Variants in CELF2 observed in about 807,000 individuals in gnomAD.
CELF2 encodes CUGBP Elav-like family member 2.
Under a neutral mutation model 62.6 loss-of-function variants are expected in CELF2, and 8 were observed. The ratio of observed to expected loss-of-function variants is 0.13; its 90% CI spans 0.07 to 0.23. The LOEUF (loss-of-function observed/expected upper bound fraction) is 0.23. CELF2 is among the 10% of genes least tolerant of loss of function. The probability of loss-of-function intolerance (pLI) is 1.00; values close to 1 mark genes in which losing one functional copy is unlikely to be tolerated. For synonymous variants in CELF2, 258 were observed against 250.0 expected, an observed-to-expected ratio of 1.03 and a Z score of -0.30; for missense variants, 333 against 671.0, an observed-to-expected ratio of 0.50 and a Z score of 5.56.
the CELF2 span, among the ~76,000 whole-genome samples, chr10:10,544,888 A>G: frequency 6.6e-6 from 1 of 152,240 alleles, no homozygotes; most frequent in South Asian, 2.1e-4. Context: ...GATATTCTAT[A>G]GGCAAAATAA....
chr10:10,535,170 C>G, the CELF2 span, among the ~76,000 whole-genome samples: 2 of 152,154 alleles, frequency 1.3e-5, no homozygotes, highest in Non-Finnish European at 2.9e-5. Context: ...ATCAACAGCA[C>G]TTGATGAGTC....
chr10:10,559,434 C>G, the CELF2 span, among the ~76,000 whole-genome samples: 4 of 152,176 alleles, frequency 2.6e-5, no homozygotes, highest in Non-Finnish European at 4.4e-5. Flanking sequence ...TCTGGATAAT[C>G]GATGTAAAGT....
chr10:10,476,571 G>C, the CELF2 span, among the ~76,000 whole-genome samples: 2 of 152,002 alleles, frequency 1.3e-5, no homozygotes, highest in African/African-American at 4.8e-5. Flanking sequence ...TTAACCCAAA[G>C]ATTTTTATGG....
intron 2 of CELF2, among the ~76,000 whole-genome samples, chr10:11,193,205 G>A (rs573909141): frequency 6.6e-6 from 1 of 152,240 alleles, no homozygotes; most frequent in African/African-American, 2.4e-5. Flanking sequence ...GATTTTCTCA[G>A]GCACCATGAG....
intron 1 of CELF2, among the ~76,000 whole-genome samples, chr10:11,028,489 G>A (rs1392054638): frequency 2.7e-5 from 4 of 150,294 alleles, no homozygotes; most frequent in South Asian, 2.1e-4. Flanking sequence ...GCGCGATCCC[G>A]GCTCACTGCA....
intron 2 of CELF2, among the ~76,000 whole-genome samples, chr10:11,181,085 G>C (rs2073208643): frequency 6.6e-6 from 1 of 152,172 alleles, no homozygotes; most frequent in East Asian, 1.9e-4. Context: ...GGCCAGGCTG[G>C]TCTCAAACTC....
intron 8 of CELF2, among the ~76,000 whole-genome samples, chr10:11,281,803 G>A (rs764089773): frequency 1.3e-5 from 2 of 152,202 alleles, no homozygotes; most frequent in Non-Finnish European, 2.9e-5. Context: ...GTAGTACATA[G>A]TTAAGTAGTT....
chr10:11,109,297 C>T (rs2054490130), intron 1 of CELF2, among the ~76,000 whole-genome samples: 1 of 152,090 alleles, frequency 6.6e-6, no homozygotes, highest in South Asian at 2.1e-4. Context: ...TAACAAGTTG[C>T]CACATATCCA....
At chr10:10,802,461 C>G (rs1272359233) in intron 1 of CELF2, among the ~76,000 whole-genome samples, 2 of 152,166 alleles carry the variant, frequency 1.3e-5, no homozygotes, top group Non-Finnish European at 1.5e-5. Flanking sequence ...CAGAGCGAGA[C>G]TCTGTCTCAA....
At chr10:11,047,266 G>C (rs568500248) in intron 1 of CELF2, among the ~76,000 whole-genome samples, 8 of 152,108 alleles carry the variant, frequency 5.3e-5, no homozygotes, top group Non-Finnish European at 1.0e-4. Flanking sequence ...TTTACTCACA[G>C]CCAACCCATG....
Position 10,906,972 on chromosome 10 carries a change from C to T in CELF2, c.54-12992C>T, listed in dbSNP as rs544060637. 5.1e-4 allele frequency among the ~76,000 whole-genome samples: 78 copies of T among 152,230 alleles called. 2 individuals are homozygous for T. The South Asian group carries it at 0.016, about 31-fold the overall frequency. On this transcript the variant is annotated intron_variant, in intron 1 of 13. Transcript: ENST00000636488. The stretch of plus-strand genomic sequence containing the variant: ...GACCTCGTGATCCACCCCCCTCAGC[C>T]TCCCAAAGTGCTGGGATTACAGGCA...
At chr10:10,788,983 T>C in the CELF2 span, 1 of 152,172 alleles carries the variant, frequency 6.6e-6, no homozygotes, top group Non-Finnish European at 1.5e-5. Context: ...CCAGTTATTA[T>C]GCTGTCTTAC....
chr10:10,949,007 C>CA (rs1378745400), intron 2 of CELF2, among the ~76,000 whole-genome samples: 8 of 152,088 alleles, frequency 5.3e-5, no homozygotes, highest in African/African-American at 1.7e-4. Flanking sequence ...TAGGTTCCCC[C>CA]AAATGAACAC....
intron 1 of CELF2, among the ~76,000 whole-genome samples, chr10:11,149,019 C>G: frequency 6.6e-6 from 1 of 152,122 alleles, no homozygotes; most frequent in East Asian, 1.9e-4. Context: ...GGAGAGTAAC[C>G]TCCTTCTGAA....
the CELF2 span, among the ~76,000 whole-genome samples, chr10:10,540,230 G>T: frequency 6.6e-6 from 1 of 152,174 alleles, no homozygotes; most frequent in East Asian, 1.9e-4. Flanking sequence ...AAAGATGCAT[G>T]TCAGCACGCA....
At chr10:11,099,480 C>T (rs1035157540) in intron 1 of CELF2, among the ~76,000 whole-genome samples, 1 of 151,934 alleles carries the variant, frequency 6.6e-6, no homozygotes, top group African/African-American at 2.4e-5. Flanking sequence ...TGTTCGTTGG[C>T]TCTTTACGAG....
At chr10:10,587,947 G>A in the CELF2 span, among the ~76,000 whole-genome samples, 1 of 151,982 alleles carries the variant, frequency 6.6e-6, no homozygotes, top group African/African-American at 2.4e-5. Flanking sequence ...TCCAGCCCAA[G>A]CACATGTTAA....
the CELF2 span, among the ~76,000 whole-genome samples, chr10:10,762,002 G>A: frequency 6.0e-5 from 9 of 151,222 alleles, no homozygotes; most frequent in Non-Finnish European, 1.3e-4. Context: ...TCTCTGGAGA[G>A]CCCTGACGTA....
rs1470502670 is a variant in CELF2 at position 11,207,499 on chromosome 10, G to T, written c.272-9926G>T. On this transcript the variant is annotated intron_variant, in intron 2 of 12. Coordinates refer to ENST00000633077, the MANE Select transcript of CELF2 (RefSeq NM_001326342.2). This position sits in a 1 kb window ranked among gnomAD's most constrained non-coding sequence, Gnocchi z 4.1. ...CATTGTTCCCTCCCGGGCTGAAAAGGTGGCTCAGATTTGCTGTCTGCGAGG... is the reference window on the plus strand; with the variant it reads ...CATTGTTCCCTCCCGGGCTGAAAAGTTGGCTCAGATTTGCTGTCTGCGAGG... Among the ~76,000 whole-genome samples, 1 of 152,340 alleles carries T rather than the reference G, an allele frequency of 6.6e-6. No homozygotes were observed. The highest frequency in any genetic ancestry group is 1.9e-4 in the East Asian group (1 of 5,182).
Sources: allele counts gnomAD v4.1 joint callset (sites outside exome capture counted in the v4.1 genomes callset), GRCh38; gene constraint gnomAD v4.1.1; non-coding constraint Gnocchi (gnomAD v3.1); transcripts MANE v1.5; gene names NCBI Gene and HGNC (gene_info 2026-07-23, HGNC 2026-07-21).